LRP1B: variants seen among roughly 807,000 people sequenced by gnomAD.
LRP1B encodes the protein low-density lipoprotein receptor-related protein 1B.
In LRP1B, 217 loss-of-function variants were observed where a neutral mutation model predicts 556.6. The observed-to-expected ratio is 0.39, with a 90% confidence interval of 0.35 to 0.44. LRP1B has a LOEUF of 0.44. Ranked by LOEUF, LRP1B falls within the 20% of genes least tolerant of loss-of-function variation. The pLI, the probability that LRP1B is intolerant of heterozygous loss-of-function variation, is 1.00. For synonymous variants in LRP1B, 2,047 were observed against 1,865.8 expected (o/e 1.10, Z -2.50); for missense variants, 5,053 against 5,620.8 (o/e 0.90, Z 3.23).
chr2:141,219,599 C>T (rs538595494), intron 6 of LRP1B, among the ~76,000 whole-genome samples: 14 of 152,180 alleles, frequency 9.2e-5, no homozygotes, highest in Non-Finnish European at 1.9e-4. Context: ...TGTTTTGTTA[C>T]ACAGGCTTCT....
chr2:141,405,947 T>C (rs924570988), intron 3 of LRP1B, among the ~76,000 whole-genome samples: 10 of 152,110 alleles, frequency 6.6e-5, no homozygotes, highest in African/African-American at 2.2e-4. Flanking sequence ...TATAGTACAG[T>C]AGCATTTGTA....
chr2:141,477,980 T>C (rs1682774669), intron 3 of LRP1B, among the ~76,000 whole-genome samples: 2 of 150,744 alleles, frequency 1.3e-5, no homozygotes, highest in African/African-American at 4.9e-5. Flanking sequence ...AAAAAAGTTG[T>C]CACATGTGAT....
chr2:140,702,576 T>G, intron 37 of LRP1B, 23 bp from the exon 38 acceptor site: 2 of 1,609,458 alleles, frequency 1.2e-6, no homozygotes, highest in Non-Finnish European at 1.7e-6. Context: ...TGTTAATTTG[T>G]AGTGTTTATG....
chr2:141,783,427 G>T (rs1303922289), intron 2 of LRP1B, among the ~76,000 whole-genome samples: 2 of 151,900 alleles, frequency 1.3e-5, no homozygotes, highest in Non-Finnish European at 2.9e-5. Flanking sequence ...ATACATGAAC[G>T]TAGTCTCTCT....
intron 1 of LRP1B, among the ~76,000 whole-genome samples, chr2:141,974,190 C>T (rs1418874962): frequency 6.6e-6 from 1 of 151,908 alleles, no homozygotes; most frequent in South Asian, 2.1e-4. Context: ...AAACTCTACA[C>T]CCAGAACAGG....
intron 7 of LRP1B, among the ~76,000 whole-genome samples, chr2:141,156,030 A>G (rs1702056840): frequency 6.6e-6 from 1 of 152,150 alleles, no homozygotes; most frequent in African/African-American, 2.4e-5. Context: ...CAAACACTCA[A>G]CTACTTTCTA....
intron 21 of LRP1B, among the ~76,000 whole-genome samples, chr2:140,910,375 A>C (rs1044079189): frequency 6.6e-6 from 1 of 151,794 alleles, no homozygotes; most frequent in Non-Finnish European, 1.5e-5. Flanking sequence ...CTGAATCTCT[A>C]CTTGGCTTCT....
At chr2:142,129,447 T>A (rs1323307610) in intron 1 of LRP1B, among the ~76,000 whole-genome samples, 1 of 152,230 alleles carries the variant, frequency 6.6e-6, no homozygotes, top group East Asian at 1.9e-4. Context: ...CTGCAGTTCA[T>A]TCCCCTGTTC....
intron 66 of LRP1B, among the ~76,000 whole-genome samples, chr2:140,410,487 A>G (rs905035020): frequency 2.0e-5 from 3 of 152,060 alleles, no homozygotes; most frequent in African/African-American, 7.2e-5. Context: ...TGCCTCCTAT[A>G]ATAATGCTGC....
intron 3 of LRP1B, among the ~76,000 whole-genome samples, chr2:141,263,239 C>T (rs966946081): frequency 6.6e-6 from 1 of 151,800 alleles, no homozygotes; most frequent in Non-Finnish European, 1.5e-5. Flanking sequence ...TGTGACCTTG[C>T]TAAACAGAAC....
intron 7 of LRP1B, among the ~76,000 whole-genome samples, chr2:141,153,469 AAAT>A (rs1383399394): frequency 2.0e-4 from 24 of 117,996 alleles, no homozygotes; most frequent in African/African-American, 6.8e-4. Context: ...TATATATAAT[AAAT>A]AATATATATA....
chr2:140,682,155 CATT>C (rs1685881726), intron 41 of LRP1B, among the ~76,000 whole-genome samples: 1 of 152,166 alleles, frequency 6.6e-6, no homozygotes, highest in South Asian at 2.1e-4. Flanking sequence ...TGTCAGAGCT[CATT>C]ATAATGCGAC....
intron 7 of LRP1B, among the ~76,000 whole-genome samples, chr2:141,158,252 C>G (rs1290979681): frequency 1.3e-5 from 2 of 152,120 alleles, no homozygotes; most frequent in African/African-American, 4.8e-5. Context: ...ATCCTTTTAT[C>G]TCTTAAATAA....
chr2:140,787,537 T>G (rs1398179963), intron 32 of LRP1B, among the ~76,000 whole-genome samples: 2 of 149,530 alleles, frequency 1.3e-5, no homozygotes, highest in African/African-American at 4.9e-5. Context: ...TACATGCCTA[T>G]CTTCCTGTTT....
intron 3 of LRP1B, among the ~76,000 whole-genome samples, chr2:141,343,011 C>T (rs1019404279): frequency 6.6e-6 from 1 of 152,188 alleles, no homozygotes; most frequent in African/African-American, 2.4e-5. Context: ...GCCCATCCGA[C>T]TAACAGAGGG....
Position 140,295,163 on chromosome 2 carries a change from C to G in LRP1B, c.12967+2645G>C, listed in dbSNP as rs199878054. The stretch of plus-strand genomic sequence containing the variant: ...AAAGTGCTGGGATTACAGGTGTGAG[C>G]CACTGCGCCTGGCTAATTAGTGTTA... On this transcript the variant is annotated intron_variant, in intron 84 of 90. Transcript: ENST00000389484. Among the ~76,000 whole-genome samples, 6 of 152,206 alleles carry G rather than the reference C, an allele frequency of 3.9e-5. No individual in the cohort carries two copies. The East Asian group carries it at 9.7e-4, about 25-fold the overall frequency.
chr2:140,626,510 G>C (rs989100739), intron 41 of LRP1B, among the ~76,000 whole-genome samples: 2 of 152,070 alleles, frequency 1.3e-5, no homozygotes, highest in African/African-American at 4.8e-5. Context: ...CAATTTTGCT[G>C]TGAACATAAA....
At chr2:140,369,825 A>G (rs1445977126) in intron 71 of LRP1B, among the ~76,000 whole-genome samples, 2 of 151,992 alleles carry the variant, frequency 1.3e-5, no homozygotes, top group Admixed American at 1.3e-4. Flanking sequence ...AGACAGGTTT[A>G]AAATACATAA....
intron 7 of LRP1B, among the ~76,000 whole-genome samples, chr2:141,096,663 A>AGAGAGAGAGAGAGG (rs1700324042): frequency 7.8e-6 from 1 of 127,756 alleles, no homozygotes; most frequent in Non-Finnish European, 1.7e-5. Flanking sequence ...AGAGAGAGAG[A>AGAGAGAGAGAGAGG]GAGAGAGAGA....
Sources: allele counts gnomAD v4.1 joint callset (sites outside exome capture counted in the v4.1 genomes callset), GRCh38; gene constraint gnomAD v4.1.1; transcripts MANE v1.5; gene names NCBI Gene and HGNC (gene_info 2026-07-23, HGNC 2026-07-21).